MCC: variants seen among roughly 807,000 people sequenced by gnomAD.
The protein encoded by MCC is colorectal mutant cancer protein.
MCC carries 90 observed loss-of-function variants against 116.2 expected under a neutral mutation model. That is an observed-to-expected ratio of 0.77 (90% CI 0.65 to 0.92). The LOEUF is 0.92. MCC is among the 40% of genes least tolerant of loss of function. The probability of loss-of-function intolerance (pLI) is 0.00; values close to 1 mark genes in which losing one functional copy is unlikely to be tolerated. For missense variants in MCC, 1,516 were observed against 1,312.2 expected (o/e 1.16, Z -2.40); for synonymous variants, 578 against 510.5 (o/e 1.13, Z -1.78).
rs368026817 is a variant in MCC at position 113,124,134 on chromosome 5, T to G, written c.885-1308A>C. On this transcript the variant is annotated intron_variant, in intron 5 of 18. Transcript: ENST00000408903. Reference sequence around the variant, plus strand: ...TACCCAGAAAACTGGGAAAGCTTTATGTAGATATAAAGCCCCATGACATGG... The same window carrying G: ...TACCCAGAAAACTGGGAAAGCTTTAGGTAGATATAAAGCCCCATGACATGG... 2.6e-5 allele frequency among the ~76,000 whole-genome samples: 4 copies of G among 152,348 alleles called. No individual in the cohort carries two copies. In the East Asian group the frequency reaches 7.7e-4, roughly 29 times the overall value.
chr5:113,434,339 A>G lies in MCC; in HGVS notation c.171-49127T>C, dbSNP rs1291766376. 2 of 1,613,662 alleles carry G rather than the reference A, an allele frequency of 1.2e-6. No homozygotes were observed. The highest frequency in any genetic ancestry group is 1.7e-6 in the Non-Finnish European group (2 of 1,179,802). On this transcript the variant is annotated intron_variant, in intron 1 of 18. Coordinates refer to ENST00000408903, the MANE Select transcript of MCC (RefSeq NM_001085377.2). This position sits in a 1 kb window ranked among gnomAD's most constrained non-coding sequence, Gnocchi z 4.2. ...AGAAGGTCTTGCTTAATGCCATTCGACCACTGTCATCCCGCAGGCAGCGCT... is the reference window on the plus strand; with the variant it reads ...AGAAGGTCTTGCTTAATGCCATTCGGCCACTGTCATCCCGCAGGCAGCGCT...
At chr5:113,479,851 C>T (rs1033395669) in intron 1 of MCC, among the ~76,000 whole-genome samples, 2 of 152,148 alleles carry the variant, frequency 1.3e-5, no homozygotes, top group Admixed American at 1.3e-4. Context: ...TTCTTTAATG[C>T]TTGGCTTTGG....
chr5:113,308,266 C>T (rs1342946500), intron 3 of MCC, among the ~76,000 whole-genome samples: 1 of 152,168 alleles, frequency 6.6e-6, no homozygotes, highest in Non-Finnish European at 1.5e-5. Context: ...CTGACATTAA[C>T]CTTTCTGTTC....
chr5:113,094,423 CT>C (rs397798890), intron 8 of MCC, among the ~76,000 whole-genome samples: 373 of 134,692 alleles, frequency 2.8e-3, no homozygotes, highest in Middle Eastern at 7.3e-3. Flanking sequence ...GGCAATCTTC[CT>C]TTTTTTTTTT....
chr5:113,143,005 A>G (rs192687934), intron 5 of MCC, among the ~76,000 whole-genome samples: 2 of 152,354 alleles, frequency 1.3e-5, no homozygotes, highest in East Asian at 3.9e-4. Flanking sequence ...CCAAATCAGA[A>G]CAGAATAAGG....
intron 1 of MCC, among the ~76,000 whole-genome samples, chr5:113,413,961 T>G (rs888549924): frequency 2.9e-4 from 44 of 152,282 alleles, no homozygotes; most frequent in African/African-American, 9.9e-4. Flanking sequence ...CAGAGATTCT[T>G]GTATGTTGTG....
At chr5:113,352,664 G>C in intron 2 of MCC, among the ~76,000 whole-genome samples, 1 of 139,764 alleles carries the variant, frequency 7.2e-6, no homozygotes, top group East Asian at 2.0e-4. Flanking sequence ...GCATCAGCAC[G>C]GGGGGCAGTG....
intron 4 of MCC, among the ~76,000 whole-genome samples, chr5:113,149,377 T>C (rs1017539222): frequency 6.6e-6 from 1 of 152,126 alleles, no homozygotes; most frequent in Admixed American, 6.5e-5. Flanking sequence ...ATATTTTAAG[T>C]AACATTTTCA....
chr5:113,073,828 G>C (rs190284182), intron 11 of MCC, among the ~76,000 whole-genome samples: 559 of 152,326 alleles, frequency 3.7e-3, no homozygotes, highest in Non-Finnish European at 6.3e-3. Flanking sequence ...GCGAGGTTGG[G>C]GGACGGGCGT....
At chr5:113,299,610 G>A (rs1318488163) in intron 3 of MCC, among the ~76,000 whole-genome samples, 3 of 152,174 alleles carry the variant, frequency 2.0e-5, no homozygotes, top group African/African-American at 7.2e-5. Flanking sequence ...GTAGGTTTCA[G>A]GCTATAAGTA....
intron 2 of MCC, among the ~76,000 whole-genome samples, chr5:113,347,420 A>G (rs1768161709): frequency 1.3e-5 from 2 of 152,046 alleles, no homozygotes; most frequent in South Asian, 4.1e-4. Flanking sequence ...TGTTGTTATC[A>G]GTTAAAAATA....
chr5:113,080,906 A>G (rs1364050753), intron 11 of MCC, among the ~76,000 whole-genome samples: 1 of 151,564 alleles, frequency 6.6e-6, no homozygotes, highest in African/African-American at 2.4e-5. Context: ...CTTTCTTATC[A>G]TCTTATTTGT....
intron 11 of MCC, among the ~76,000 whole-genome samples, chr5:113,072,655 G>A (rs1412705473): frequency 6.6e-6 from 1 of 152,126 alleles, no homozygotes; most frequent in Admixed American, 6.5e-5. Flanking sequence ...TTTGCTAGAT[G>A]CTCATTCTCT....
intron 2 of MCC, among the ~76,000 whole-genome samples, chr5:113,348,320 G>A (rs528871734): frequency 6.6e-6 from 1 of 152,036 alleles, no homozygotes; most frequent in Admixed American, 6.6e-5. Flanking sequence ...AGGTCACAAA[G>A]CAAAAGTATT....
intron 1 of MCC, among the ~76,000 whole-genome samples, chr5:113,479,810 T>C (rs899861845): frequency 6.6e-6 from 1 of 152,232 alleles, no homozygotes; most frequent in Non-Finnish European, 1.5e-5. Context: ...ATGGTTTCAT[T>C]GTAGCTTTGA....
At chr5:113,446,001 G>T (rs1156711026) in intron 1 of MCC, among the ~76,000 whole-genome samples, 1 of 152,078 alleles carries the variant, frequency 6.6e-6, no homozygotes, top group Non-Finnish European at 1.5e-5. Context: ...CAAGAGGAAA[G>T]GACTCTATTC....
chr5:113,117,493 A>G (rs1453177115), intron 6 of MCC, among the ~76,000 whole-genome samples: 1 of 152,222 alleles, frequency 6.6e-6, no homozygotes, highest in Admixed American at 6.5e-5. Flanking sequence ...TCAGGGTATA[A>G]TGGTTTGATA....
At chr5:113,208,192 A>G (rs567370363) in intron 3 of MCC, among the ~76,000 whole-genome samples, 24 of 152,282 alleles carry the variant, frequency 1.6e-4, no homozygotes, top group African/African-American at 5.5e-4. Context: ...GGGTTCTGCT[A>G]CTGAAGATAT....
chr5:113,140,073 G>A lies in MCC; in HGVS notation c.884+3145C>T, dbSNP rs971011702. On this transcript the variant is annotated intron_variant, in intron 5 of 18. Coordinates refer to ENST00000408903, the MANE Select transcript of MCC (RefSeq NM_001085377.2). Reference sequence around the variant, plus strand: ...AAGGAACATACAATAAAACTTCCCCGAGTTTTATTAAATGTAAATTAATGG... The same window carrying A: ...AAGGAACATACAATAAAACTTCCCCAAGTTTTATTAAATGTAAATTAATGG... Among the ~76,000 whole-genome samples, 3 of 152,092 alleles carry A rather than the reference G, an allele frequency of 2.0e-5. 1 individual carries two copies. The highest frequency in any genetic ancestry group is 4.8e-5 in the African/African-American group (2 of 41,412).
Sources: allele counts gnomAD v4.1 joint callset (sites outside exome capture counted in the v4.1 genomes callset), GRCh38; gene constraint gnomAD v4.1.1; non-coding constraint Gnocchi (gnomAD v3.1); transcripts MANE v1.5; gene names NCBI Gene and HGNC (gene_info 2026-07-23, HGNC 2026-07-21).